The following BRAT1 variants were observed in gnomAD, a reference collection of about 807,000 sequenced individuals.
BRAT1 encodes BRCA1 associated ATM activator 1.
In BRAT1, 74 loss-of-function variants were observed where a neutral mutation model predicts 70.6. The ratio of observed to expected loss-of-function variants is 1.05; its 90% CI spans 0.87 to 1.27. BRAT1 has a LOEUF of 1.27. Ranked by LOEUF, BRAT1 falls within the 50% of genes most tolerant of loss-of-function variation. BRAT1 has a pLI of 0.00. For missense variants in BRAT1, 1,203 were observed against 1,098.2 expected (o/e 1.10, Z -1.35); for synonymous variants, 615 against 517.1 (o/e 1.19, Z -2.57).
At chr7:2,541,898 C>T (rs1583304203) in intron 7 of BRAT1, 62 bp from the exon 8 acceptor site, 18 of 1,550,272 alleles carry the variant, frequency 1.2e-5, no homozygotes, top group East Asian at 2.3e-5. Flanking sequence ...CGGTCACCAG[C>T]CACCCCACGG....
rs1779299696 is a variant in BRAT1, at chr7:2,543,023, T to A, written c.923+181A>T. ...CTTTGGTCTGAAACAATTATTCTGT[T>A]GCTAAAGAACCTTCAGAAGCTGCCG... On this transcript the variant is annotated intron_variant, in intron 6 of 13. Transcript: ENST00000340611. The surrounding 1 kb of genome is among the most constrained non-coding windows in gnomAD (Gnocchi z 5.5). 1 of 627,448 alleles carries A rather than the reference T, an allele frequency of 1.6e-6. No individual in the cohort carries two copies. The highest frequency in any genetic ancestry group is 2.6e-6 in the Non-Finnish European group (1 of 389,936). The allele number at this position is 627,448 out of a possible 1,614,324, so 38.9% of individuals were successfully genotyped here.
intron 13 of BRAT1, 46 bp downstream of exon 13, chr7:2,539,133 G>C (rs774493648): frequency 2.6e-6 from 4 of 1,558,504 alleles, no homozygotes; most frequent in African/African-American, 1.4e-5. Context: ...GAGCACACAC[G>C]ATGGCCAGGC....
At position 2,538,516 on chromosome 7, in the gene BRAT1, G is replaced by A. The variant is rs1156546785; in HGVS notation, c.2019C>T (p.Cys673=). 4 of 1,609,630 alleles carry A rather than the reference G, an allele frequency of 2.5e-6. No individual in the cohort carries two copies. The highest frequency in any genetic ancestry group is 1.1e-5 in the South Asian group (1 of 91,056). The change falls in exon 14 of 14, where the codon TGC becomes TGT. Residue 673 remains cysteine (C), a synonymous_variant. Transcript: ENST00000340611. ...GQTLGPPRTH[C]PYAVALPEVA... is the part of the protein sequence containing the mutation. ...CCTCGGGTAGGGCCACGGCATAGGG[G>A]CAGTGGGTACGCGGCGGCCCCAAAG... is the stretch of plus-strand genomic sequence containing the variant.
At chr7:2,551,913 A>C (rs1780031648) in intron 2 of BRAT1, among the ~76,000 whole-genome samples, 1 of 150,082 alleles carries the variant, frequency 6.7e-6, no homozygotes, top group Non-Finnish European at 1.5e-5. Context: ...AGACTGGAAA[A>C]ATCCATATTT....
chr7:2,542,278 T>TC (rs1779236329), intron 6 of BRAT1, 67 bp from the exon 7 acceptor site: 1 of 1,345,124 alleles, frequency 7.4e-7, no homozygotes, highest in Non-Finnish European at 1.0e-6. Flanking sequence ...GCTCCTAATG[T>TC]CCCCAGCAAG....
Position 2,554,310 on chromosome 7 carries a change from T to A in BRAT1, c.122A>T (p.Glu41Val). The A allele has an allele frequency of 1.2e-6, 2 of 1,613,616 alleles. No homozygotes were observed. The highest frequency in any genetic ancestry group is 8.5e-7 in the Non-Finnish European group (1 of 1,179,676). ...KLLDWFKTVT[E>V]GESSVVLLQE... ...CAGCAGCACCACCTCCTTACCTCCT[T>A]CAGTGACCGTTTTAAACCAGTCCAG... Residue 41 changes from glutamate (E) to valine (V), a missense_variant, in exon 2 of 14, where the codon GAA (glutamate) becomes GTA (valine). Coordinates refer to ENST00000340611, the MANE Select transcript of BRAT1 (RefSeq NM_152743.4).
rs375843451 is a variant in BRAT1, at chr7:2,543,163, C to A, written c.923+41G>T. The A allele has an allele frequency of 5.3e-5, 81 of 1,519,354 alleles. No individual in the cohort carries two copies. Among genetic ancestry groups the A allele is most frequent in the Middle Eastern group, 1.8e-4 (1 of 5,682 alleles). 94.1% of individuals were successfully genotyped at this position (1,519,354 alleles called of 1,614,324 possible). ...CTCAACCTCCCTGCCTGCCCCAGCT[C>A]CCAGCACCCGCCTCGGAATGAAATG... On this transcript the variant is annotated intron_variant, in intron 6 of 13. Transcript: ENST00000340611. The surrounding 1 kb of genome is among the most constrained non-coding windows in gnomAD (Gnocchi z 5.5).
At chr7:2,550,679 T>C (rs1431000189) in intron 2 of BRAT1, among the ~76,000 whole-genome samples, 1 of 151,918 alleles carries the variant, frequency 6.6e-6, no homozygotes, top group Non-Finnish European at 1.5e-5. Flanking sequence ...ACTACACTCT[T>C]TCCATCAAGT....
intron 2 of BRAT1, among the ~76,000 whole-genome samples, chr7:2,552,354 G>C (rs940292504): frequency 6.6e-6 from 1 of 151,096 alleles, no homozygotes; most frequent in Non-Finnish European, 1.5e-5. Flanking sequence ...CTGACCTCAA[G>C]TGATCTGCCT....
In BRAT1 at chr7:2,539,181, G is replaced by A. The variant is rs746081291; in HGVS notation, c.1768C>T (p.Gln590Ter). The change falls in exon 13 of 14, where the codon CAG becomes TAG. Residue 590 changes from glutamine (Q) to a stop codon, truncating the protein, a stop_gained and splice_region_variant. Transcript: ENST00000340611. LOFTEE classifies it low-confidence loss of function (END_TRUNC). ...CTGAGGAACCTGCCACCTCCTACCTGCCGGGCCTCTGCATGCTCAGGGCTG... is the reference window on the plus strand; with the variant it reads ...CTGAGGAACCTGCCACCTCCTACCTACCGGGCCTCTGCATGCTCAGGGCTG... ...PTSPEHAEAR[Q>*]SLFLELLHIL... 1.9e-6 allele frequency: 3 copies of A among 1,597,106 alleles called. No individual in the cohort carries two copies. Among genetic ancestry groups the A allele is most frequent in the East Asian group, 2.2e-5 (1 of 44,530 alleles).
Position 2,541,599 on chromosome 7 carries a change from A to G in BRAT1, c.1135-115T>C. 3.4e-6 allele frequency: 5 copies of G among 1,456,018 alleles called. No individual in the cohort carries two copies. In the South Asian group the frequency reaches 4.0e-5, roughly 12 times the overall value. The allele number at this position is 1,456,018 out of a possible 1,614,324, so 90.2% of individuals were successfully genotyped here. The stretch of plus-strand genomic sequence containing the variant: ...GGACATCAGCCAAGGTTGTGGTCCC[A>G]CTGCTGGCGTGGATGCAAGGGTGCT... On this transcript the variant is annotated intron_variant, in intron 8 of 13. Transcript: ENST00000340611.
At chr7:2,551,137 G>A (rs1256695701) in intron 2 of BRAT1, among the ~76,000 whole-genome samples, 1 of 151,796 alleles carries the variant, frequency 6.6e-6, no homozygotes, top group Non-Finnish European at 1.5e-5. Flanking sequence ...GTACTCAGGA[G>A]GCTGAGGCAG....
In BRAT1 at chr7:2,540,995, GGGCTCTCGA is replaced by G. The variant is rs1779108426; in HGVS notation, c.1370_1378del (p.Leu457_Ser459del). 1.3e-6 allele frequency: 2 copies of G among 1,553,850 alleles called. No individual in the cohort carries two copies. The highest frequency in any genetic ancestry group is 1.7e-6 in the Non-Finnish European group (2 of 1,161,818). On this transcript the variant is annotated inframe_deletion, in exon 10 of 14. Coordinates refer to ENST00000340611, the MANE Select transcript of BRAT1 (RefSeq NM_152743.4). ...CCACCGTACCGTGGGGCTGGAGCCG[GGGCTCTCGA>G]GGCACTCCAGGAGGACAGCAAGCGC...
Position 2,538,090 on chromosome 7 carries a change from C to T in BRAT1, c.2445G>A (p.Gly815=), listed in dbSNP as rs1252073218. The T allele has an allele frequency of 1.9e-6, 3 of 1,579,356 alleles. No homozygotes were observed. Among genetic ancestry groups the T allele is most frequent in the South Asian group, 2.3e-5 (2 of 87,970 alleles). The change falls in exon 14 of 14, where the codon GGG becomes GGA. Residue 815 remains glycine, a synonymous_variant. Transcript: ENST00000340611. ...DMLATGGFLQ[G]DEADCY is the part of the protein sequence containing the mutation. The stretch of plus-strand genomic sequence containing the variant: ...CTGCTCAGTAGCAGTCGGCCTCGTC[C>T]CCCTGCAGGAAGCCTCCCGTGGCCA...
At position 2,543,411 on chromosome 7, in the gene BRAT1, T is replaced by C; in HGVS notation, c.804-88A>G. ...GCTGAGACTGCCATGGCTCCGGCACTGGAGGCGCCCAGCCCAAGACAGGCC... is the reference window on the plus strand; with the variant it reads ...GCTGAGACTGCCATGGCTCCGGCACCGGAGGCGCCCAGCCCAAGACAGGCC... On this transcript the variant is annotated intron_variant, in intron 5 of 13. Coordinates refer to ENST00000340611, the MANE Select transcript of BRAT1 (RefSeq NM_152743.4). The surrounding 1 kb of genome is among the most constrained non-coding windows in gnomAD (Gnocchi z 5.5). 2.0e-6 allele frequency: 3 copies of C among 1,496,628 alleles called. No individual in the cohort carries two copies. The highest frequency in any genetic ancestry group is 2.2e-5 in the Admixed American group (1 of 45,488). The allele number at this position is 1,496,628 out of a possible 1,614,324, so 92.7% of individuals were successfully genotyped here. A position where few individuals can be genotyped will look rare whatever the true frequency, so the allele number is the denominator to read the frequency against.
At chr7:2,544,030 GCCTC>G in intron 4 of BRAT1, 68 bp from the exon 5 acceptor site, 2 of 1,021,556 alleles carry the variant, frequency 2.0e-6, no homozygotes, top group Non-Finnish European at 2.6e-6. Context: ...GAGGCAGAGG[GCCTC>G]AGGGAAGATA....
In BRAT1 at chr7:2,539,265, G is replaced by A. The variant is rs759216914; in HGVS notation, c.1684C>T (p.Arg562Ter). The change falls in exon 13 of 14, where the codon CGA (arginine) becomes TGA (stop). Residue 562 changes from arginine to a stop codon, truncating the protein, a stop_gained. Transcript: ENST00000340611. LOFTEE classifies it high-confidence loss of function. The part of the protein sequence containing the change: ...QLLQDPESYV[R>*]ASAVTAMGQL... ...CCCATGGCGGTCACTGCACTCGCTC[G>A]GACATAACTCTCAGGGTCCTGGAGG... is the stretch of plus-strand genomic sequence containing the variant. 8.1e-6 allele frequency: 13 copies of A among 1,611,698 alleles called. No individual in the cohort carries two copies. Among genetic ancestry groups the A allele is most frequent in the African/African-American group, 4.0e-5 (3 of 74,890 alleles).
intron 3 of BRAT1, 46 bp downstream of exon 3, chr7:2,547,278 T>C (rs371026310): frequency 2.8e-5 from 45 of 1,603,656 alleles, no homozygotes; most frequent in Non-Finnish European, 3.5e-5. Context: ...AGGAAAAGCC[T>C]GCCCACCTCT....
intron 2 of BRAT1, among the ~76,000 whole-genome samples, chr7:2,553,996 A>G: frequency 6.6e-6 from 1 of 152,104 alleles, no homozygotes. Context: ...TAAACACACT[A>G]AATACAACGA....
Sources: gnomAD v4.1 joint callset for allele counts (sites outside exome capture counted in the v4.1 genomes callset) on GRCh38, gnomAD v4.1.1 for gene constraint, Gnocchi (gnomAD v3.1) non-coding constraint, MANE v1.5 for transcripts, NCBI Gene and HGNC (gene_info 2026-07-23, HGNC 2026-07-21) for gene names.